The following ASPH variants were observed in gnomAD, a reference collection of about 807,000 sequenced individuals.
ASPH encodes aspartate beta-hydroxylase, also known as aspartyl/asparaginyl beta-hydroxylase.
A neutral mutation model predicts 118.4 loss-of-function variants in ASPH; 100 were observed. That is an observed-to-expected ratio of 0.84 (90% confidence interval 0.72 to 1.00). The LOEUF (loss-of-function observed/expected upper bound fraction) is 1.00, where lower values mean the gene tolerates loss of function less well. Ranked by LOEUF, ASPH falls within the 50% of genes least tolerant of loss-of-function variation. The probability of loss-of-function intolerance (pLI) is 0.00; values close to 1 mark genes in which losing one functional copy is unlikely to be tolerated. For synonymous variants in ASPH, 315 were observed against 325.6 expected, an observed-to-expected ratio of 0.97 and a Z score of 0.35; for missense variants, 920 against 919.5, an observed-to-expected ratio of 1.00 and a Z score of -0.01.
intron 17 of ASPH, among the ~76,000 whole-genome samples, chr8:61,564,858 A>C (rs937536533): frequency 6.6e-6 from 1 of 152,176 alleles, no homozygotes; most frequent in African/African-American, 2.4e-5. Context: ...TTGGGCCTTG[A>C]CTCTAATCTA....
intron 3 of ASPH, among the ~76,000 whole-genome samples, chr8:61,679,601 G>A (rs1443736232): frequency 6.6e-6 from 1 of 151,812 alleles, no homozygotes; most frequent in Non-Finnish European, 1.5e-5. Context: ...CAGTAGATGA[G>A]AGTAATATTA....
chr8:61,554,623 C>T (rs1827180194), intron 19 of ASPH, among the ~76,000 whole-genome samples: 1 of 152,212 alleles, frequency 6.6e-6, no homozygotes, highest in Non-Finnish European at 1.5e-5. Flanking sequence ...CCACATGTGG[C>T]CAGTGGCCAT....
chr8:61,521,944 A>G (rs1813210601), intron 22 of ASPH, among the ~76,000 whole-genome samples: 1 of 152,178 alleles, frequency 6.6e-6, no homozygotes, highest in Non-Finnish European at 1.5e-5. Context: ...GCCACCTAGA[A>G]CACTGCGTTG....
intron 14 of ASPH, among the ~76,000 whole-genome samples, chr8:61,608,584 C>T (rs917882778): frequency 2.6e-5 from 4 of 152,016 alleles, no homozygotes; most frequent in African/African-American, 9.7e-5. Flanking sequence ...ATTAAAAAAC[C>T]CCTTCAAATC....
intron 14 of ASPH, among the ~76,000 whole-genome samples, chr8:61,604,433 A>G (rs1174947294): frequency 2.0e-5 from 3 of 152,262 alleles, no homozygotes; most frequent in Admixed American, 6.5e-5. Flanking sequence ...ATTAAAAATT[A>G]TAATTTCTTA....
chr8:61,671,337 GA>G (rs1283313608), intron 3 of ASPH, among the ~76,000 whole-genome samples: 5 of 150,708 alleles, frequency 3.3e-5, no homozygotes, highest in African/African-American at 7.3e-5. Context: ...AATGTCTAGG[GA>G]AAAAAAAGAA....
intron 13 of ASPH, chr8:61,632,076 T>C (rs545017128): frequency 3.9e-5 from 6 of 152,134 alleles, no homozygotes; most frequent in Non-Finnish European, 7.4e-5. Context: ...ACAATAGTCA[T>C]AGCCAAAACT....
chr8:61,601,834 A>C (rs1360491864), intron 14 of ASPH, among the ~76,000 whole-genome samples: 4 of 151,358 alleles, frequency 2.6e-5, no homozygotes, highest in African/African-American at 9.8e-5. Context: ...TTAAACAATA[A>C]ATATTATAAA....
intron 21 of ASPH, among the ~76,000 whole-genome samples, chr8:61,529,058 T>C (rs1469372751): frequency 6.6e-6 from 1 of 152,178 alleles, no homozygotes; most frequent in Admixed American, 6.5e-5. Context: ...ACTGTTAATC[T>C]AGCTGAAATT....
intron 14 of ASPH, among the ~76,000 whole-genome samples, chr8:61,602,286 T>C (rs934823735): frequency 1.3e-5 from 2 of 151,482 alleles, no homozygotes; most frequent in Non-Finnish European, 2.9e-5. Flanking sequence ...AATGTATTAA[T>C]GTATAGTTGT....
chr8:61,508,187 G>A (rs1467449537), intron 24 of ASPH, among the ~76,000 whole-genome samples: 1 of 151,974 alleles, frequency 6.6e-6, no homozygotes, highest in Non-Finnish European at 1.5e-5. Flanking sequence ...GCTAATTTTT[G>A]GATTTTTTTG....
chr8:61,523,330 T>C (rs1431770022), intron 22 of ASPH, among the ~76,000 whole-genome samples: 1 of 150,664 alleles, frequency 6.6e-6, no homozygotes, highest in Admixed American at 6.6e-5. Flanking sequence ...CTTTTTTTTT[T>C]TTTTTTTGAC....
At chr8:61,526,649 A>G (rs1391688115) in intron 21 of ASPH, among the ~76,000 whole-genome samples, 1 of 152,204 alleles carries the variant, frequency 6.6e-6, no homozygotes, top group Admixed American at 6.5e-5. Context: ...AAACAAATAA[A>G]TGCACTAGTG....
chr8:61,594,368 C>G (rs1038771428), intron 14 of ASPH, among the ~76,000 whole-genome samples: 1 of 152,144 alleles, frequency 6.6e-6, no homozygotes, highest in Non-Finnish European at 1.5e-5. Flanking sequence ...ATACTGATTT[C>G]CCAGTGATGT....
At chr8:61,601,930 A>G (rs1230162124) in intron 14 of ASPH, among the ~76,000 whole-genome samples, 2 of 151,548 alleles carry the variant, frequency 1.3e-5, no homozygotes, top group Non-Finnish European at 2.9e-5. Context: ...ACTTAAGAAT[A>G]AACAAATAAC....
Position 61,501,141 on chromosome 8 carries a change from A to C in ASPH, c.*2218T>G, listed in dbSNP as rs979694391. The C allele has an allele frequency of 2.0e-5, 3 of 152,204 alleles. No homozygotes were observed. Among genetic ancestry groups the C allele is most frequent in the Non-Finnish European group, 4.4e-5 (3 of 68,022 alleles). The allele number at this position is 152,204 out of a possible 1,614,324, so 9.4% of individuals were successfully genotyped here. On this transcript the variant is annotated 3_prime_UTR_variant, in exon 25 of 25. Coordinates refer to ENST00000379454, the MANE Select transcript of ASPH (RefSeq NM_004318.4). ...GACATACGAAATCACAAAAATAATA[A>C]CACTGAAATAATTCTACCAATGCAG...
intron 3 of ASPH, among the ~76,000 whole-genome samples, chr8:61,677,387 AATGTGAACATCC>A (rs1219985438): frequency 6.6e-6 from 1 of 152,130 alleles, no homozygotes; most frequent in Non-Finnish European, 1.5e-5. Context: ...GACTGTAAGA[AATGTGAACATCC>A]ATGACCACTG....
Position 61,604,693 on chromosome 8 carries a change from G to A in ASPH, c.976+14285C>T, listed in dbSNP as rs1021041074. 1.2e-4 allele frequency among the ~76,000 whole-genome samples: 18 copies of A among 152,172 alleles called. 1 individual carries two copies. The highest frequency in any genetic ancestry group is 2.9e-5 in the Non-Finnish European group (2 of 68,024). On this transcript the variant is annotated intron_variant, in intron 14 of 24. Transcript: ENST00000379454. ...CAACAGCACACCACATGTTTTGGTT[G>A]TTAACAGATGACAAACTTTTTACCA...
chr8:61,566,297 T>G (rs1235838236), intron 17 of ASPH, among the ~76,000 whole-genome samples: 1 of 152,188 alleles, frequency 6.6e-6, no homozygotes, highest in Admixed American at 6.5e-5. Context: ...GATGTGGAAA[T>G]AGCAAGATAA....
Sources: allele counts gnomAD v4.1 joint callset (sites outside exome capture counted in the v4.1 genomes callset), GRCh38; gene constraint gnomAD v4.1.1; transcripts MANE v1.5; gene names NCBI Gene and HGNC (gene_info 2026-07-23, HGNC 2026-07-21).